The following MED12L variants were observed in gnomAD, a reference collection of about 807,000 sequenced individuals.
MED12L encodes the protein mediator of RNA polymerase II transcription subunit 12-like protein.
A neutral mutation model predicts 281.3 loss-of-function variants in MED12L; 60 were observed. That is an observed-to-expected ratio of 0.21 (90% CI 0.17 to 0.26). The LOEUF (loss-of-function observed/expected upper bound fraction) is 0.26, where lower values mean the gene tolerates loss of function less well. Ranked by LOEUF, MED12L falls within the 10% of genes least tolerant of loss-of-function variation. MED12L has a pLI of 1.00. For synonymous variants in MED12L, 974 were observed against 987.2 expected, an observed-to-expected ratio of 0.99 and a Z score of 0.25; for missense variants, 2,146 against 2,680.9, an observed-to-expected ratio of 0.80 and a Z score of 4.41.
Position 151,140,773 on chromosome 3 carries a change from G to A in MED12L, c.556+12789G>A, listed in dbSNP as rs541346035. 4.6e-5 allele frequency among the ~76,000 whole-genome samples: 7 copies of A among 151,964 alleles called. No individual in the cohort carries two copies. In the East Asian group the frequency reaches 1.2e-3, roughly 25 times the overall value. ...TGGCTCATTGCAACCTCTGCCTCCC[G>A]GGTTCAAGTCATTCTCCTGCCTCAG... is the stretch of plus-strand genomic sequence containing the variant. On this transcript the variant is annotated intron_variant, in intron 5 of 44. Transcript: ENST00000687756.
chr3:151,348,360 AAAAG>A (rs1361325055), intron 16 of MED12L, among the ~76,000 whole-genome samples: 41 of 24,852 alleles, frequency 1.6e-3, no homozygotes, highest in African/African-American at 2.7e-3. Flanking sequence ...AAAAAAAAAA[AAAAG>A]AAAAAAGAAA....
At chr3:151,228,089 G>A (rs1422579311) in intron 16 of MED12L, among the ~76,000 whole-genome samples, 1 of 152,186 alleles carries the variant, frequency 6.6e-6, no homozygotes, top group Non-Finnish European at 1.5e-5. Flanking sequence ...TAACTCATCA[G>A]CAGTAAGTAA....
At chr3:151,415,390 T>A (rs1482628541) in intron 42 of MED12L, among the ~76,000 whole-genome samples, 1 of 152,240 alleles carries the variant, frequency 6.6e-6, no homozygotes, top group Non-Finnish European at 1.5e-5. Flanking sequence ...TGGAGAATCA[T>A]ATTGCAGTCA....
At chr3:151,377,285 A>G (rs1756963539) in intron 30 of MED12L, 107 bp downstream of exon 30, 1 of 834,998 alleles carries the variant, frequency 1.2e-6, no homozygotes, top group Non-Finnish European at 1.8e-6. Context: ...TGTGAAGAAC[A>G]TAGTTACTTG....
chr3:151,430,359 C>G lies in MED12L; in HGVS notation c.6469C>G (p.Gln2157Glu), dbSNP rs1017442198. 14 of 1,614,132 alleles carry G rather than the reference C, an allele frequency of 8.7e-6. No homozygotes were observed. Among genetic ancestry groups the G allele is most frequent in the Non-Finnish European group, 1.2e-5 (14 of 1,179,992 alleles). ...QQQQTAALVR[Q>E]LQKQLSSNQP... ...GCAGCAGACGGCCGCCTTGGTGCGGCAGCTCCAGAAGCAGCTTTCCAGTAA... is the reference window on the plus strand; with the variant it reads ...GCAGCAGACGGCCGCCTTGGTGCGGGAGCTCCAGAAGCAGCTTTCCAGTAA... The change falls in exon 44 of 45, where the codon CAG (glutamine) becomes GAG (glutamate). Residue 2157 changes from glutamine (Q) to glutamate (E), a missense_variant. Transcript: ENST00000687756.
rs199740100 is a variant in MED12L, at chr3:151,156,150, T to A, written c.557-11T>A. 2.6e-5 allele frequency: 41 copies of A among 1,579,152 alleles called. 2 individuals carry two copies. In the Admixed American group the frequency reaches 2.9e-4, roughly 11 times the overall value. ...TCTAGAAACTCATATTTTTCTTTTT[T>A]TAAAATGCAGAGTGGACACAGATAT... On this transcript the variant is annotated splice_polypyrimidine_tract_variant and intron_variant, in intron 5 of 44. Transcript: ENST00000687756.
rs565893825 is a variant in MED12L at position 151,407,090 on chromosome 3, C to T, written c.5821-2153C>T. Among the ~76,000 whole-genome samples the T allele has an allele frequency of 6.8e-4, 103 of 152,208 alleles. 1 individual carries two copies. In the Middle Eastern group the frequency reaches 0.01, roughly 15 times the overall value. ...TGCTGAGATTAGAGGCGTGAGCCAC[C>T]GCACCTGCCCAGTTCCTATTTCTTA... On this transcript the variant is annotated intron_variant, in intron 39 of 44. Coordinates refer to ENST00000687756, the MANE Select transcript of MED12L (RefSeq NM_001393769.1).
intron 16 of MED12L, chr3:151,338,771 C>T (rs1751387785): frequency 6.2e-7 from 1 of 1,613,140 alleles, no homozygotes; most frequent in African/African-American, 1.3e-5. Context: ...GGAAGAGGAC[C>T]TGGGTGATTT....
intron 12 of MED12L, 79 bp downstream of exon 12, chr3:151,185,540 C>T (rs1576913824): frequency 6.8e-7 from 1 of 1,461,138 alleles, no homozygotes; most frequent in East Asian, 2.4e-5. Context: ...TTCTCTTACC[C>T]TCATTATGTT....
intron 1 of MED12L, among the ~76,000 whole-genome samples, chr3:151,086,146 C>A (rs1719145137): frequency 6.6e-6 from 1 of 152,196 alleles, no homozygotes; most frequent in East Asian, 1.9e-4. Context: ...CCAGCCGCCG[C>A]GACCGCCAGC....
chr3:151,417,317 C>T (rs1409492657), intron 43 of MED12L, among the ~76,000 whole-genome samples: 1 of 151,896 alleles, frequency 6.6e-6, no homozygotes, highest in Non-Finnish European at 1.5e-5. Context: ...GGGGGAACAA[C>T]GTGGTATAGA....
intron 16 of MED12L, chr3:151,328,610 A>C: frequency 6.2e-7 from 1 of 1,613,848 alleles, no homozygotes; most frequent in East Asian, 2.2e-5. Flanking sequence ...AATATTTCTC[A>C]AAGGTCTGAT....
chr3:151,286,254 T>G (rs1016552659), intron 16 of MED12L, among the ~76,000 whole-genome samples: 6 of 151,968 alleles, frequency 3.9e-5, no homozygotes, highest in Admixed American at 2.6e-4. Flanking sequence ...TTTCTGTCTC[T>G]AAAGGTCTCT....
chr3:151,405,431 T>G (rs1716184938), intron 39 of MED12L, among the ~76,000 whole-genome samples: 1 of 152,192 alleles, frequency 6.6e-6, no homozygotes, highest in Non-Finnish European at 1.5e-5. Context: ...ACTGATATGC[T>G]TAAAATCACA....
In MED12L at chr3:151,368,139, C is replaced by T. The variant is rs1367938224; in HGVS notation, c.3449-11C>T. On this transcript the variant is annotated splice_polypyrimidine_tract_variant and intron_variant, in intron 24 of 44. Transcript: ENST00000687756. ...GTTAGAAAACTTGCTTTTCCAATCC[C>T]CCTTTCCTAGCTTGTGGGGATGCGG... The T allele has an allele frequency of 3.1e-6, 5 of 1,611,940 alleles. No homozygotes were observed. The highest frequency in any genetic ancestry group is 2.2e-5 in the East Asian group (1 of 44,858).
intron 16 of MED12L, among the ~76,000 whole-genome samples, chr3:151,202,277 C>T (rs1171045738): frequency 6.6e-6 from 1 of 152,214 alleles, no homozygotes; most frequent in East Asian, 1.9e-4. Context: ...CAGACAGTTA[C>T]TTACCAGTGA....
At position 151,229,330 on chromosome 3, in the gene MED12L, T is replaced by G. The variant is rs11711104; in HGVS notation, c.2250+35664T>G. Among the ~76,000 whole-genome samples the G allele has an allele frequency of 3.0e-4, 42 of 142,162 alleles. No homozygotes were observed. The East Asian group carries it at 7.5e-3, about 25-fold the overall frequency. The allele number at this position is 142,162 out of a possible 152,430, so 93.3% of individuals were successfully genotyped here. On this transcript the variant is annotated intron_variant, in intron 16 of 44. Transcript: ENST00000687756. Reference sequence around the variant, plus strand: ...CTTTTTTTTTTTTTTTTTTTTGAGATGGAGTCTTGCTCTGTTGCTCAGGCT... The same window carrying G: ...CTTTTTTTTTTTTTTTTTTTTGAGAGGGAGTCTTGCTCTGTTGCTCAGGCT...
At chr3:151,178,181 A>AAAAAAAAAAAAAAAAAAG (rs1560124057) in intron 11 of MED12L, among the ~76,000 whole-genome samples, 2 of 149,332 alleles carry the variant, frequency 1.3e-5, no homozygotes, top group African/African-American at 5.0e-5. Flanking sequence ...AAAAAAAAAA[A>AAAAAAAAAAAAAAAAAAG]AAAGAAAGTG....
At chr3:151,134,600 A>G (rs1215408323) in intron 5 of MED12L, among the ~76,000 whole-genome samples, 1 of 152,232 alleles carries the variant, frequency 6.6e-6, no homozygotes, top group African/African-American at 2.4e-5. Flanking sequence ...AGTGACAGGA[A>G]GAAAATACAG....
Sources: allele counts gnomAD v4.1 joint callset (sites outside exome capture counted in the v4.1 genomes callset), GRCh38; gene constraint gnomAD v4.1.1; transcripts MANE v1.5; gene names NCBI Gene and HGNC (gene_info 2026-07-23, HGNC 2026-07-21).